GPR35: variants seen among roughly 807,000 people sequenced by gnomAD.
The protein encoded by GPR35 is G protein-coupled receptor 35.
For missense variants in GPR35, 372 were observed against 422.5 expected (o/e 0.88, Z 1.05); for synonymous variants, 207 against 198.4 (o/e 1.04, Z -0.36).
intron 2 of GPR35, among the ~76,000 whole-genome samples, chr2:240,612,232 C>T (rs928223367): frequency 4.6e-4 from 70 of 151,432 alleles, no homozygotes; most frequent in African/African-American, 1.4e-3. Context: ...AGATCGAGAC[C>T]GTCCTGGCTA....
intron 5 of GPR35, among the ~76,000 whole-genome samples, chr2:240,619,259 C>T (rs998577064): frequency 6.6e-6 from 1 of 152,146 alleles, no homozygotes; most frequent in Non-Finnish European, 1.5e-5. Flanking sequence ...TTGTGTTTCT[C>T]TTTTTATGAT....
At chr2:240,616,373 C>G (rs909182579) in intron 2 of GPR35, 8 of 763,460 alleles carry the variant, frequency 1.0e-5, no homozygotes, top group East Asian at 2.4e-5. Context: ...CTCCGTCTCT[C>G]TATTCCCCTC....
At chr2:240,625,197 G>A (rs1222199945), upstream of GPR35, 15 of 892,448 alleles carry the variant, frequency 1.7e-5, no homozygotes, top group Non-Finnish European at 1.9e-5. Flanking sequence ...CTCCGTGGGC[G>A]GGGCTGGAGC....
intron 2 of GPR35, among the ~76,000 whole-genome samples, chr2:240,608,229 T>C (rs1261334824): frequency 1.3e-5 from 2 of 152,236 alleles, no homozygotes; most frequent in African/African-American, 4.8e-5. Flanking sequence ...CATGTGACCA[T>C]AGGTAATTTT....
intron 2 of GPR35, among the ~76,000 whole-genome samples, chr2:240,611,827 C>T (rs1347582956): frequency 1.3e-5 from 2 of 152,132 alleles, no homozygotes; most frequent in Non-Finnish European, 2.9e-5. Flanking sequence ...AGAGGGGTGA[C>T]TGTTGAATGA....
intron 1 of GPR35, among the ~76,000 whole-genome samples, chr2:240,605,915 G>A (rs1161147709): frequency 6.6e-6 from 1 of 152,178 alleles, no homozygotes; most frequent in African/African-American, 2.4e-5. Flanking sequence ...CTTCATCAGG[G>A]GAAGGGTCTT....
In GPR35 at chr2:240,618,635, G is replaced by A. The variant is rs540202507; in HGVS notation, c.-148-253G>A. ...TGACATGAGTCTAAATCCAAATCTA[G>A]AAACCAAGATATGGTCACAGAAGTC... On this transcript the variant is annotated intron_variant, in intron 4 of 5. Transcript: ENST00000319838. Among the ~76,000 whole-genome samples the A allele has an allele frequency of 2.6e-5, 4 of 152,262 alleles. No individual in the cohort carries two copies. The South Asian group carries it at 8.3e-4, about 32-fold the overall frequency.
rs1475578311 is a variant in GPR35, at chr2:240,631,554, G to A, written c.*672G>A. Among the ~76,000 whole-genome samples, 1 of 151,956 alleles carries A rather than the reference G, an allele frequency of 6.6e-6. No individual in the cohort carries two copies. The highest frequency in any genetic ancestry group is 1.5e-5 in the Non-Finnish European group (1 of 67,952). ...CAGCGGTGCAAGGGGGGGTGACCAA[G>A]GTCAAGCAGGTGAGGGTGGGTTGGG... On this transcript the variant is annotated 3_prime_UTR_variant, in exon 2 of 2. Transcript: ENST00000407714.
chr2:240,623,557 G>T (rs1473390993), upstream of GPR35, among the ~76,000 whole-genome samples: 2 of 151,876 alleles, frequency 1.3e-5, no homozygotes, highest in Non-Finnish European at 2.9e-5. Context: ...GGGTGAGCGG[G>T]GAGCTAGGAG....
At chr2:240,609,684 T>C (rs1342782820) in intron 2 of GPR35, among the ~76,000 whole-genome samples, 1 of 152,220 alleles carries the variant, frequency 6.6e-6, no homozygotes, top group Non-Finnish European at 1.5e-5. Context: ...AGATTATATA[T>C]TCTGCTGTTG....
chr2:240,628,216 G>A (rs1293458253), intron 1 of GPR35: 1 of 152,250 alleles, frequency 6.6e-6, no homozygotes, highest in African/African-American at 2.4e-5. Flanking sequence ...GCTGCCACAG[G>A]AGTATAGGCC....
At chr2:240,621,536 A>G (rs886941625), upstream of GPR35, among the ~76,000 whole-genome samples, 9 of 152,176 alleles carry the variant, frequency 5.9e-5, no homozygotes, top group African/African-American at 1.9e-4. Flanking sequence ...TACAGATGTG[A>G]GCCACTGCAC....
intron 4 of GPR35, among the ~76,000 whole-genome samples, chr2:240,618,167 T>C (rs143199471): frequency 3.3e-5 from 5 of 152,344 alleles, no homozygotes; most frequent in African/African-American, 1.2e-4. Context: ...ATAATATATC[T>C]GCATCTCCTT....
upstream of GPR35, among the ~76,000 whole-genome samples, chr2:240,622,780 G>A (rs2043310897): frequency 2.6e-5 from 4 of 152,200 alleles, no homozygotes; most frequent in Admixed American, 2.6e-4. Context: ...GGCTGGCGCT[G>A]CTGCAGGGGG....
chr2:240,631,019 G>T lies in GPR35; in HGVS notation c.*137G>T. 1.4e-6 allele frequency: 1 copy of T among 713,084 alleles called. No homozygotes were observed. Among genetic ancestry groups the T allele is most frequent in the East Asian group, 2.7e-5 (1 of 37,242 alleles). 44.2% of individuals were successfully genotyped at this position (713,084 alleles called of 1,614,324 possible). On this transcript the variant is annotated 3_prime_UTR_variant, in exon 2 of 2. Transcript: ENST00000407714. ...GTGTATTCTCTTGGAGCCTTGGGTGGGCAGGGACGGCCCAGGTACCTGCTC... is the reference window on the plus strand; with the variant it reads ...GTGTATTCTCTTGGAGCCTTGGGTGTGCAGGGACGGCCCAGGTACCTGCTC...
chr2:240,632,031 GCATGCCCAGGTGGGCC>G lies in GPR35; in HGVS notation c.*1160_*1175del, dbSNP rs2043454022. 1.7e-5 allele frequency among the ~76,000 whole-genome samples: 1 copy of G among 59,282 alleles called. No homozygotes were observed. Among genetic ancestry groups the G allele is most frequent in the African/African-American group, 3.4e-5 (1 of 29,742 alleles). The allele number at this position is 59,282 out of a possible 152,430, so 38.9% of individuals were successfully genotyped here. On this transcript the variant is annotated 3_prime_UTR_variant, in exon 2 of 2. Coordinates refer to ENST00000407714, the MANE Select transcript of GPR35 (RefSeq NM_005301.5). ...ATAAGGGCTCTGTGCCTAAAAGGGT[GCATGCCCAGGTGGGCC>G]CATGCCCAGGAAGGTCCATGCCCAG...
At chr2:240,607,664 T>C (rs1444184584) in intron 2 of GPR35, 2 of 152,208 alleles carry the variant, frequency 1.3e-5, no homozygotes, top group South Asian at 2.1e-4. Context: ...CATTTTTTGG[T>C]ATATTAATCT....
Position 240,633,109 on chromosome 2 carries a change from C to T in GPR35, c.*2227C>T, listed in dbSNP as rs2043467772. Among the ~76,000 whole-genome samples the T allele has an allele frequency of 6.6e-6, 1 of 152,184 alleles. No individual in the cohort carries two copies. The highest frequency in any genetic ancestry group is 1.5e-5 in the Non-Finnish European group (1 of 68,032). On this transcript the variant is annotated 3_prime_UTR_variant, in exon 2 of 2. Coordinates refer to ENST00000407714, the MANE Select transcript of GPR35 (RefSeq NM_005301.5). ...CATGATTGTAAGTTTCCTGAGGCCTCCCTAGCCATGCTGAAGTGTGAGTCA... is the reference window on the plus strand; with the variant it reads ...CATGATTGTAAGTTTCCTGAGGCCTTCCTAGCCATGCTGAAGTGTGAGTCA...
At position 240,630,048 on chromosome 2, in the gene GPR35, G is replaced by C. The variant is rs1559440226; in HGVS notation, c.96G>C (p.Val32=). The C allele has an allele frequency of 1.1e-5, 18 of 1,612,524 alleles. No homozygotes were observed. The highest frequency in any genetic ancestry group is 1.5e-5 in the Non-Finnish European group (18 of 1,179,964). The part of the protein sequence containing the change: ...GFYAYLGVLL[V]LGLLLNSLAL... ...ACGCCTACTTGGGCGTCCTGCTGGTGCTAGGCCTGCTGCTCAACAGCCTGG... is the reference window on the plus strand; with the variant it reads ...ACGCCTACTTGGGCGTCCTGCTGGTCCTAGGCCTGCTGCTCAACAGCCTGG... Residue 32 remains valine (V), a synonymous_variant, in exon 2 of 2, where the codon GTG becomes GTC. Coordinates refer to ENST00000407714, the MANE Select transcript of GPR35 (RefSeq NM_005301.5).
Sources: allele counts gnomAD v4.1 joint callset (sites outside exome capture counted in the v4.1 genomes callset), GRCh38; gene constraint gnomAD v4.1.1; transcripts MANE v1.5; gene names NCBI Gene and HGNC (gene_info 2026-07-23, HGNC 2026-07-21).